The following NEGR1 variants were observed in gnomAD, a reference collection of about 807,000 sequenced individuals.
The protein encoded by NEGR1 is IgLON family member 4.
A neutral mutation model predicts 40.9 loss-of-function variants in NEGR1; 10 were observed. That is an observed-to-expected ratio of 0.24 (90% CI 0.15 to 0.42). NEGR1 has a LOEUF of 0.42. NEGR1 is among the 10% of genes least tolerant of loss of function. The probability of loss-of-function intolerance (pLI) is 1.00; values close to 1 mark genes in which losing one functional copy is unlikely to be tolerated. For missense variants in NEGR1, 352 were observed against 438.9 expected, an observed-to-expected ratio of 0.80 and a Z score of 1.77; for synonymous variants, 185 against 166.8, an observed-to-expected ratio of 1.11 and a Z score of -0.84.
At chr1:72,240,845 G>A (rs903283083) in intron 1 of NEGR1, among the ~76,000 whole-genome samples, 6 of 151,788 alleles carry the variant, frequency 4.0e-5, no homozygotes, top group African/African-American at 1.5e-4. Flanking sequence ...GCAACTGTGT[G>A]AGTTTTGATG....
intron 1 of NEGR1, among the ~76,000 whole-genome samples, chr1:72,280,904 G>A (rs1255412925): frequency 6.6e-6 from 1 of 152,146 alleles, no homozygotes; most frequent in East Asian, 1.9e-4. Context: ...TGGAGAAAAA[G>A]AAGATCTTTC....
intron 1 of NEGR1, among the ~76,000 whole-genome samples, chr1:72,176,803 C>T (rs1652184216): frequency 6.6e-6 from 1 of 151,814 alleles, no homozygotes; most frequent in Admixed American, 6.6e-5. Context: ...GGTATATATG[C>T]CAGGGGAGAT....
At chr1:71,848,603 G>A (rs1385399708) in intron 2 of NEGR1, among the ~76,000 whole-genome samples, 1 of 152,146 alleles carries the variant, frequency 6.6e-6, no homozygotes, top group Non-Finnish European at 1.5e-5. Context: ...GCCCACTGTT[G>A]AGGCCTACTG....
At chr1:72,160,729 C>T (rs188943728) in intron 1 of NEGR1, among the ~76,000 whole-genome samples, 1 of 152,128 alleles carries the variant, frequency 6.6e-6, no homozygotes, top group Admixed American at 6.5e-5. Flanking sequence ...GGAGCTTTAT[C>T]AGAATGCTAA....
chr1:72,119,603 T>C (rs1010615501), intron 1 of NEGR1, among the ~76,000 whole-genome samples: 2 of 151,938 alleles, frequency 1.3e-5, no homozygotes, highest in African/African-American at 4.8e-5. Context: ...GTCGTGTATA[T>C]CAGATGATCT....
intron 4 of NEGR1, among the ~76,000 whole-genome samples, chr1:71,644,205 C>T (rs1170938393): frequency 1.3e-5 from 2 of 151,934 alleles, no homozygotes; most frequent in African/African-American, 4.8e-5. Context: ...TCTCTAGCCA[C>T]ACCAGCTTCA....
At chr1:72,131,129 T>C (rs1650233899) in intron 1 of NEGR1, among the ~76,000 whole-genome samples, 1 of 152,184 alleles carries the variant, frequency 6.6e-6, no homozygotes, top group African/African-American at 2.4e-5. Context: ...CTTGTTAAAA[T>C]ATTTCCCTTT....
chr1:72,117,291 A>ATTTT (rs1649618736), intron 1 of NEGR1, among the ~76,000 whole-genome samples: 1 of 150,938 alleles, frequency 6.6e-6, no homozygotes, highest in East Asian at 1.9e-4. Context: ...ATGTTTATGC[A>ATTTT]TTTTTGTTTG....
At chr1:71,636,857 C>T (rs1405973370) in intron 4 of NEGR1, among the ~76,000 whole-genome samples, 5 of 152,022 alleles carry the variant, frequency 3.3e-5, no homozygotes. Context: ...TTAGAGGAAT[C>T]TTTTGCCACA....
intron 4 of NEGR1, among the ~76,000 whole-genome samples, chr1:71,621,197 T>C (rs1650597051): frequency 6.6e-6 from 1 of 151,948 alleles, no homozygotes; most frequent in Admixed American, 6.6e-5. Flanking sequence ...TGGATGAGTA[T>C]ATCACATTTT....
intron 2 of NEGR1, among the ~76,000 whole-genome samples, chr1:71,894,232 A>AATT (rs368222494): frequency 0.087 from 12,469 of 144,104 alleles, no homozygotes; most frequent in African/African-American, 0.13. Context: ...TAATAATAAT[A>AATT]AAAAAAGAAA....
intron 4 of NEGR1, among the ~76,000 whole-genome samples, chr1:71,615,151 T>C (rs1020705398): frequency 5.3e-5 from 8 of 152,130 alleles, no homozygotes; most frequent in African/African-American, 1.9e-4. Context: ...CTTGGAGACA[T>C]AAAAGTTCTT....
At chr1:72,081,983 A>G (rs1648017641) in intron 1 of NEGR1, among the ~76,000 whole-genome samples, 1 of 152,148 alleles carries the variant, frequency 6.6e-6, no homozygotes, top group Non-Finnish European at 1.5e-5. Context: ...GGGAGATTTT[A>G]GTAAGGGGTG....
chr1:72,028,379 A>C (rs1010048670), intron 1 of NEGR1, among the ~76,000 whole-genome samples: 1 of 152,208 alleles, frequency 6.6e-6, no homozygotes, highest in Non-Finnish European at 1.5e-5. Context: ...CACACAAAAC[A>C]TCTATTTTTA....
At chr1:71,781,707 T>G (rs1656723417) in intron 2 of NEGR1, among the ~76,000 whole-genome samples, 1 of 152,164 alleles carries the variant, frequency 6.6e-6, no homozygotes, top group South Asian at 2.1e-4. Flanking sequence ...AAGCAGTGTT[T>G]TATAGGGGAG....
chr1:71,438,521 AAG>A (rs1646525348), intron 6 of NEGR1, among the ~76,000 whole-genome samples: 1 of 152,222 alleles, frequency 6.6e-6, no homozygotes, highest in South Asian at 2.1e-4. Context: ...CAGGGCAATA[AAG>A]AGAGGTTTTA....
intron 1 of NEGR1, among the ~76,000 whole-genome samples, chr1:72,266,724 AACAC>A (rs3082237): frequency 0.028 from 3,806 of 133,762 alleles, 143 homozygotes; most frequent in African/African-American, 0.084. Flanking sequence ...TAGACAGATA[AACAC>A]ACACACACAC....
chr1:72,165,978 G>C (rs1651748949), intron 1 of NEGR1, among the ~76,000 whole-genome samples: 1 of 151,910 alleles, frequency 6.6e-6, no homozygotes, highest in African/African-American at 2.4e-5. Flanking sequence ...AATTCAACTT[G>C]AACTACGTTA....
rs1220591836 is a variant in NEGR1, at chr1:71,937,214, AG to A, written c.177-1904del. On this transcript the variant is annotated intron_variant, in intron 1 of 6. Transcript: ENST00000357731. ...TCATAAAGGTCACTGTTAATTGAAA[AG>A]CTTGTCCTTATGTATTTAATAAAGA... Among the ~76,000 whole-genome samples, 10 of 152,302 alleles carry A rather than the reference AG, an allele frequency of 6.6e-5. No individual in the cohort carries two copies. The South Asian group carries it at 2.1e-3, about 32-fold the overall frequency.
Sources: gnomAD v4.1 joint callset for allele counts (sites outside exome capture counted in the v4.1 genomes callset) on GRCh38, gnomAD v4.1.1 for gene constraint, MANE v1.5 for transcripts, NCBI Gene and HGNC (gene_info 2026-07-23, HGNC 2026-07-21) for gene names.